DEPDC5: variants seen among roughly 807,000 people sequenced by gnomAD.
The protein encoded by DEPDC5 is GATOR1 complex protein DEPDC5.
In DEPDC5, 73 loss-of-function variants were observed where a neutral mutation model predicts 217.3. The ratio of observed to expected loss-of-function variants is 0.34; its 90% CI spans 0.28 to 0.41. The LOEUF (loss-of-function observed/expected upper bound fraction) is 0.41, where lower values mean the gene tolerates loss of function less well. Among genes scored for constraint, DEPDC5 ranks in the 10% least tolerant of loss-of-function variants. The pLI, the probability that DEPDC5 is intolerant of heterozygous loss-of-function variation, is 1.00. For synonymous variants in DEPDC5, 733 were observed against 756.7 expected, an observed-to-expected ratio of 0.97 and a Z score of 0.51; for missense variants, 1,675 against 2,070.1, an observed-to-expected ratio of 0.81 and a Z score of 3.70.
At chr22:31,805,889 G>A (rs2087469558) in intron 17 of DEPDC5, among the ~76,000 whole-genome samples, 1 of 152,102 alleles carries the variant, frequency 6.6e-6, no homozygotes, top group African/African-American at 2.4e-5. Context: ...CTTGAGGCCA[G>A]GAGTTTGAAA....
At chr22:31,794,672 C>G (rs1453752487) in intron 12 of DEPDC5, among the ~76,000 whole-genome samples, 2 of 152,066 alleles carry the variant, frequency 1.3e-5, no homozygotes, top group African/African-American at 4.8e-5. Context: ...ATTGCCTGAG[C>G]TCAGGAGTTT....
intron 21 of DEPDC5, 71 bp downstream of exon 21, chr22:31,815,283 G>A: frequency 6.5e-7 from 1 of 1,548,674 alleles, no homozygotes; most frequent in South Asian, 1.1e-5. Flanking sequence ...GAGGTGGGAG[G>A]ATTGGTCAGA....
At chr22:31,798,492 T>A in intron 13 of DEPDC5, 90 bp from the exon 14 acceptor site, 1 of 1,141,756 alleles carries the variant, frequency 8.8e-7, no homozygotes, top group Non-Finnish European at 1.2e-6. Flanking sequence ...CACTCCAGCC[T>A]GGGTGACACA....
intron 23 of DEPDC5, 64 bp from the exon 24 acceptor site, chr22:31,822,629 G>A: frequency 1.3e-6 from 2 of 1,529,376 alleles, no homozygotes; most frequent in Non-Finnish European, 9.0e-7. Flanking sequence ...CCGGGATATA[G>A]GTGAGCAGGA....
intron 29 of DEPDC5, 126 bp from the exon 30 acceptor site, chr22:31,844,892 C>A: frequency 1.1e-6 from 1 of 940,276 alleles, no homozygotes; most frequent in Non-Finnish European, 1.7e-6. Context: ...TGAGCTGTAG[C>A]ATCAAATGAG....
chr22:31,879,216 ACAG>A (rs2093106628), intron 37 of DEPDC5, among the ~76,000 whole-genome samples: 1 of 151,608 alleles, frequency 6.6e-6, no homozygotes, highest in African/African-American at 2.4e-5. Flanking sequence ...TAGTACATCC[ACAG>A]TGTTGTACAA....
intron 8 of DEPDC5, 87 bp from the exon 9 acceptor site, chr22:31,783,820 T>G (rs2084703491): frequency 1.8e-6 from 2 of 1,130,426 alleles, no homozygotes; most frequent in African/African-American, 1.5e-5. Context: ...TACACTGTTG[T>G]GAAGCAGATC....
chr22:31,818,465 A>C (rs1397920025), intron 21 of DEPDC5, among the ~76,000 whole-genome samples: 1 of 151,942 alleles, frequency 6.6e-6, no homozygotes, highest in Admixed American at 6.6e-5. Flanking sequence ...TGTGGAGATC[A>C]TTGTGGTCCA....
chr22:31,823,818 C>T (rs2089924848), intron 24 of DEPDC5, among the ~76,000 whole-genome samples: 2 of 152,102 alleles, frequency 1.3e-5, no homozygotes, highest in Admixed American at 6.5e-5. Flanking sequence ...ACCTCTCAAA[C>T]CAATAGCCAG....
intron 38 of DEPDC5, among the ~76,000 whole-genome samples, chr22:31,887,941 A>G (rs2093353293): frequency 6.6e-6 from 1 of 152,202 alleles, no homozygotes; most frequent in Non-Finnish European, 1.5e-5. Context: ...TATAGGGGGA[A>G]GAAGGCCTGT....
At chr22:31,853,449 A>G (rs1429632729) in intron 31 of DEPDC5, 2 of 152,208 alleles carry the variant, frequency 1.3e-5, no homozygotes, top group Non-Finnish European at 2.9e-5. Flanking sequence ...GGAACCAGAC[A>G]TTTATATAAC....
rs1037232699 is a variant in DEPDC5, at chr22:31,798,640, C to G, written c.930C>G (p.Ile310Met). 8.7e-6 allele frequency: 14 copies of G among 1,611,596 alleles called. No homozygotes were observed. Among genetic ancestry groups the G allele is most frequent in the Non-Finnish European group, 1.1e-5 (13 of 1,178,460 alleles). ...CACAAGGAAACTACCTGGAGGCCAT[C>G]AATCTGTCATTCAATGGTGAGTAAG... The part of the protein sequence containing the change: ...TSAQGNYLEA[I>M]NLSFNVFDKH... Residue 310 changes from isoleucine (I) to methionine (M), a missense_variant, in exon 14 of 43, where the codon ATC (isoleucine) becomes ATG (methionine). Coordinates refer to ENST00000651528, the MANE Select transcript of DEPDC5 (RefSeq NM_001242896.3).
intron 8 of DEPDC5, among the ~76,000 whole-genome samples, chr22:31,783,635 T>C (rs1408195292): frequency 6.6e-6 from 1 of 152,088 alleles, no homozygotes; most frequent in Non-Finnish European, 1.5e-5. Flanking sequence ...GTCACTGCAC[T>C]CCAGCCTTGG....
At chr22:31,856,155 G>GCGCACA (rs1226909374) in intron 31 of DEPDC5, among the ~76,000 whole-genome samples, 16 of 140,676 alleles carry the variant, frequency 1.1e-4, no homozygotes, top group Admixed American at 8.6e-4. Flanking sequence ...GGGCCAACGC[G>GCGCACA]CACACACACA....
At chr22:31,876,961 T>C (rs1279568652) in intron 37 of DEPDC5, among the ~76,000 whole-genome samples, 1 of 151,944 alleles carries the variant, frequency 6.6e-6, no homozygotes, top group Non-Finnish European at 1.5e-5. Flanking sequence ...AAGACCAACA[T>C]TGGGAAACCC....
intron 7 of DEPDC5, among the ~76,000 whole-genome samples, chr22:31,774,219 T>C (rs986608798): frequency 7.9e-5 from 12 of 151,548 alleles, no homozygotes; most frequent in Non-Finnish European, 1.6e-4. Context: ...TTTTTTTTTT[T>C]TGAGACGAGT....
At chr22:31,765,564 C>T (rs939078880) in intron 5 of DEPDC5, among the ~76,000 whole-genome samples, 10 of 151,922 alleles carry the variant, frequency 6.6e-5, no homozygotes, top group Middle Eastern at 3.4e-3. Context: ...GCTGGGATTC[C>T]AGGTAGGAGC....
chr22:31,856,111 C>T (rs2092279481), intron 31 of DEPDC5, among the ~76,000 whole-genome samples: 1 of 151,486 alleles, frequency 6.6e-6, no homozygotes. Context: ...CTCAGGAGAT[C>T]CCACTGGAAC....
chr22:31,802,676 T>A, intron 14 of DEPDC5, 28 bp from the exon 15 acceptor site: 1 of 1,520,746 alleles, frequency 6.6e-7, no homozygotes, highest in Non-Finnish European at 8.9e-7. Context: ...GTAACATCAT[T>A]ATTGTGGAAT....
Sources: gnomAD v4.1 joint callset for allele counts (sites outside exome capture counted in the v4.1 genomes callset) on GRCh38, gnomAD v4.1.1 for gene constraint, MANE v1.5 for transcripts, NCBI Gene and HGNC (gene_info 2026-07-23, HGNC 2026-07-21) for gene names.